CALCA: variants seen among roughly 807,000 people sequenced by gnomAD.
The protein encoded by CALCA is calcitonin.
A neutral mutation model predicts 6.9 loss-of-function variants in CALCA; 4 were observed. That is an observed-to-expected ratio of 0.58 (90% CI 0.29 to 1.33). The LOEUF (loss-of-function observed/expected upper bound fraction) is 1.33. CALCA is among the 40% of genes most tolerant of loss of function. CALCA has a pLI of 0.09. For missense variants in CALCA, 174 were observed against 178.3 expected, an observed-to-expected ratio of 0.98 and a Z score of 0.14; for synonymous variants, 78 against 70.0, an observed-to-expected ratio of 1.11 and a Z score of -0.57.
At position 14,970,071 on chromosome 11, in the gene CALCA, C is replaced by T. The variant is rs538582019; in HGVS notation, c.91G>A (p.Ala31Thr). The T allele has an allele frequency of 1.2e-6, 2 of 1,614,214 alleles. No homozygotes were observed. The highest frequency in any genetic ancestry group is 1.3e-5 in the African/African-American group (1 of 75,058). ...GGGTCTGCTGGGCTGCTCTCCAGGG[C>T]AGACCTGTGGAGGGGAAGCAAACTC... ...GSLHAAPFRS[A>T]LESSPADPAT... Residue 31 changes from alanine (A) to threonine (T), a missense_variant, in exon 3 of 4, where the codon GCC (alanine) becomes ACC (threonine). Physicochemically the swap from Ala to Thr is moderately conservative, Grantham distance 58. Coordinates refer to ENST00000331587, the MANE Select transcript of CALCA (RefSeq NM_001741.3).
chr11:14,969,080 G>T, intron 3 of CALCA, 83 bp from the exon 4 acceptor site: 5 of 1,311,106 alleles, frequency 3.8e-6, no homozygotes. Context: ...AGACCAGGCA[G>T]GGGACCCTGG....
At chr11:14,971,845 TG>T (rs1460682403) in intron 1 of CALCA, among the ~76,000 whole-genome samples, 3 of 152,302 alleles carry the variant, frequency 2.0e-5, no homozygotes, top group African/African-American at 7.2e-5. Flanking sequence ...CGTGCCTATT[TG>T]CCACCCATCC....
At chr11:14,966,673 G>C (rs1849465531), downstream of CALCA, 1 of 151,254 alleles carries the variant, frequency 6.6e-6, no homozygotes, top group South Asian at 2.1e-4. Context: ...TTCCATTGAA[G>C]GGTATAGAAA....
chr11:14,968,889 C>G lies in CALCA; in HGVS notation c.336G>C (p.Gly112=), dbSNP rs782129148. ...CCCTTTTCTTTCCAGGTGCTCCAACCCCAATTGCAGTTTGGGGGAACGTGT... is the reference window on the plus strand; with the variant it reads ...CCCTTTTCTTTCCAGGTGCTCCAACGCCAATTGCAGTTTGGGGGAACGTGT... ...KFHTFPQTAI[G]VGAPGKKRDM... The change falls in exon 4 of 4, where the codon GGG becomes GGC. Residue 112 remains glycine (G), a synonymous_variant. Coordinates refer to ENST00000331587, the MANE Select transcript of CALCA (RefSeq NM_001741.3). The G allele has an allele frequency of 1.1e-5, 18 of 1,614,166 alleles. 1 individual carries two copies. In the South Asian group the frequency reaches 2.0e-4, roughly 18 times the overall value.
chr11:14,967,584 C>T (rs1555025583), downstream of CALCA: 4 of 1,491,416 alleles, frequency 2.7e-6, no homozygotes, highest in Non-Finnish European at 9.2e-7. Flanking sequence ...TTTTTTAAAA[C>T]CACATGGTCT....
At position 14,968,503 on chromosome 11, in the gene CALCA, T is replaced by TG; in HGVS notation, c.*295dup. On this transcript the variant is annotated 3_prime_UTR_variant, in exon 4 of 4. Coordinates refer to ENST00000331587, the MANE Select transcript of CALCA (RefSeq NM_001741.3). Reference sequence around the variant, plus strand: ...CAATGACCACCACAGCTCAGATCTTTGGGGAAAAATAATTTTATTCCTCAA... The same window carrying TG: ...CAATGACCACCACAGCTCAGATCTTTGGGGGAAAAATAATTTTATTCCTCAA... 1 of 1,278,874 alleles carries TG rather than the reference T, an allele frequency of 7.8e-7. No homozygotes were observed. Among genetic ancestry groups the TG allele is most frequent in the South Asian group, 1.6e-5 (1 of 64,452 alleles). The allele number at this position is 1,278,874 out of a possible 1,614,324, so 79.2% of individuals were successfully genotyped here.
intron 2 of CALCA, 94 bp downstream of exon 2, chr11:14,971,013 G>T: frequency 9.2e-6 from 9 of 980,968 alleles, no homozygotes; most frequent in Non-Finnish European, 1.5e-5. Context: ...ACCTTACCCC[G>T]GCCCCCTGTC....
chr11:14,968,953 C>A lies in CALCA; in HGVS notation c.272G>T (p.Cys91Phe), dbSNP rs1555025875. 1 of 1,613,918 alleles carries A rather than the reference C, an allele frequency of 6.2e-7. No homozygotes were observed. Among genetic ancestry groups the A allele is most frequent in the Admixed American group, 1.7e-5 (1 of 60,014 alleles). ...RSKRCGNLSTCMLGTYTQDFN... is the reference protein window; with the variant it reads ...RSKRCGNLSTFMLGTYTQDFN... ...GTCCTGCGTGTATGTGCCCAGCATG[C>A]AAGTACTCAGATTACCGCACCGCTT... The change falls in exon 4 of 4, where the codon TGC (cysteine) becomes TTC (phenylalanine). Residue 91 changes from cysteine (C) to phenylalanine (F), a missense_variant. By Grantham distance (205) the Cys-to-Phe change is radical. Coordinates refer to ENST00000331587, the MANE Select transcript of CALCA (RefSeq NM_001741.3).
rs369362411 is a variant in CALCA, at chr11:14,971,233, G to A, written c.-9-32C>T. ...GGGAAGAATGAGATAAACCACCTGC[G>A]CCAGTTCGAAGTTCTAGGAGCCCAC... On this transcript the variant is annotated intron_variant, in intron 1 of 3. Transcript: ENST00000331587. 57 of 1,505,404 alleles carry A rather than the reference G, an allele frequency of 3.8e-5. No individual in the cohort carries two copies. In the African/African-American group the frequency reaches 4.4e-4, roughly 12 times the overall value. The allele number at this position is 1,505,404 out of a possible 1,614,324, so 93.3% of individuals were successfully genotyped here. A position where few individuals can be genotyped will look rare whatever the true frequency, so the allele number is the denominator to read the frequency against.
Position 14,969,987 on chromosome 11 carries a change from CAT to C in CALCA, c.173_174del (p.Tyr58CysfsTer7), listed in dbSNP as rs1849557566. 3 of 1,613,988 alleles carry C rather than the reference CAT, an allele frequency of 1.9e-6. No individual in the cohort carries two copies. In the South Asian group the frequency reaches 3.3e-5, roughly 18 times the overall value. On this transcript the variant is annotated frameshift_variant, in exon 3 of 4. Transcript: ENST00000331587. LOFTEE classifies it high-confidence loss of function. The stretch of plus-strand genomic sequence containing the variant: ...TCCAGCTCACTGGCCTTCATCTGCA[CAT>C]AGTCCTGCACCAGTGCAGCCAGCAG... Reference protein sequence around the residue: ...RLLLAALVQDYVQMKASELEQ... With the variant: ...RLLLAALVQDXVQMKASELEQ...
At chr11:14,967,698 G>C, downstream of CALCA, 3 of 1,614,040 alleles carry the variant, frequency 1.9e-6, no homozygotes, top group Non-Finnish European at 2.5e-6. Context: ...CAGCTGCTCA[G>C]GCTTGAAGGT....
At chr11:14,967,973 G>A, downstream of CALCA, 2 of 1,167,194 alleles carry the variant, frequency 1.7e-6, no homozygotes, top group Non-Finnish European at 2.5e-6. Flanking sequence ...TTAACTTTAA[G>A]TGTTTCTCCT....
rs781954797 is a variant in CALCA at position 14,969,919 on chromosome 11, G to C, written c.227+16C>G. 11 of 1,612,314 alleles carry C rather than the reference G, an allele frequency of 6.8e-6. No individual in the cohort carries two copies. The highest frequency in any genetic ancestry group is 3.3e-5 in the Admixed American group (2 of 60,016). ...GGGGAGAGGAGGCCCTGTGCTGAGCGCTTGGGGAGCCTCACCTGGAGCCCT... is the reference window on the plus strand; with the variant it reads ...GGGGAGAGGAGGCCCTGTGCTGAGCCCTTGGGGAGCCTCACCTGGAGCCCT... On this transcript the variant is annotated intron_variant, in intron 3 of 3. Coordinates refer to ENST00000331587, the MANE Select transcript of CALCA (RefSeq NM_001741.3).
chr11:14,968,210 A>C, downstream of CALCA: 1 of 346,612 alleles, frequency 2.9e-6, no homozygotes, highest in South Asian at 2.8e-5. Context: ...CCCCATTCAC[A>C]AAGGACTATA....
chr11:14,968,136 T>A, downstream of CALCA: 1 of 498,014 alleles, frequency 2.0e-6, no homozygotes, highest in Non-Finnish European at 3.6e-6. Flanking sequence ...CTTTCCTGTA[T>A]AAATTAACTA....
At chr11:14,971,074 T>A in intron 2 of CALCA, 33 bp downstream of exon 2, 1 of 1,567,056 alleles carries the variant, frequency 6.4e-7, no homozygotes, top group Non-Finnish European at 8.8e-7. Flanking sequence ...AATTGTCTGA[T>A]ACCAGTGTGG....
Position 14,968,534 on chromosome 11 carries a change from C to A in CALCA, c.*265G>T. The A allele has an allele frequency of 1.5e-6, 2 of 1,364,500 alleles. No homozygotes were observed. Among genetic ancestry groups the A allele is most frequent in the Non-Finnish European group, 9.5e-7 (1 of 1,057,066 alleles). 84.5% of individuals were successfully genotyped at this position (1,364,500 alleles called of 1,614,324 possible). A position where few individuals can be genotyped will look rare whatever the true frequency, so the allele number is the denominator to read the frequency against. On this transcript the variant is annotated 3_prime_UTR_variant, in exon 4 of 4. Transcript: ENST00000331587. ...AAAATAATTTTATTCCTCAAATGAT[C>A]AGCACATTCAGAAGCAGGACAGAGG...
At chr11:14,969,089 G>T in intron 3 of CALCA, 92 bp from the exon 4 acceptor site, 1 of 1,144,932 alleles carries the variant, frequency 8.7e-7, no homozygotes, top group Non-Finnish European at 1.3e-6. Context: ...AGGGGACCCT[G>T]GGAGCAGGAG....
downstream of CALCA, chr11:14,967,926 A>T: frequency 6.4e-7 from 1 of 1,568,192 alleles, no homozygotes; most frequent in East Asian, 2.2e-5. Context: ...GCCCCATGGG[A>T]CCTTCATGGT....
Sources: gnomAD v4.1 joint callset for allele counts (sites outside exome capture counted in the v4.1 genomes callset) on GRCh38, gnomAD v4.1.1 for gene constraint, MANE v1.5 for transcripts, NCBI Gene and HGNC (gene_info 2026-07-23, HGNC 2026-07-21) for gene names.